CACNA1E: variants seen among roughly 807,000 people sequenced by gnomAD.
The protein encoded by CACNA1E is voltage-dependent R-type calcium channel subunit alpha-1E.
CACNA1E carries 40 observed loss-of-function variants against 259.2 expected under a neutral mutation model. That is an observed-to-expected ratio of 0.15 (90% CI 0.12 to 0.20). The LOEUF is 0.20. Ranked by LOEUF, CACNA1E falls within the 10% of genes least tolerant of loss-of-function variation. CACNA1E has a pLI of 1.00. For synonymous variants in CACNA1E, 1,104 were observed against 1,138.5 expected, an observed-to-expected ratio of 0.97 and a Z score of 0.61; for missense variants, 1,874 against 3,040.1, an observed-to-expected ratio of 0.62 and a Z score of 9.02.
intron 7 of CACNA1E, among the ~76,000 whole-genome samples, chr1:181,666,817 C>T (rs532384876): frequency 3.8e-4 from 57 of 151,908 alleles, no homozygotes; most frequent in African/African-American, 1.2e-3. Flanking sequence ...TCATTGAAAA[C>T]AAATCATTCA....
intron 1 of CACNA1E, among the ~76,000 whole-genome samples, chr1:181,491,194 G>A (rs1664285391): frequency 6.6e-6 from 1 of 152,166 alleles, no homozygotes; most frequent in African/African-American, 2.4e-5. Flanking sequence ...TTCTATCAGC[G>A]ACCATTCCTT....
chr1:181,325,438 G>A (rs1650699714), intron 1 of CACNA1E, among the ~76,000 whole-genome samples: 1 of 152,190 alleles, frequency 6.6e-6, no homozygotes, highest in Admixed American at 6.5e-5. Context: ...CCAAGGTGTG[G>A]TTCCCGGACC....
chr1:181,799,504 G>A lies in CACNA1E; in HGVS notation c.*670G>A, dbSNP rs1417183276. On this transcript the variant is annotated 3_prime_UTR_variant, in exon 48 of 48. Transcript: ENST00000367573. ...ATAGCCCGGCAGCCCCTACCATGAG[G>A]GAGACAGAGAAACAGAACTGGTGGT... 6.5e-6 allele frequency: 1 copy of A among 152,858 alleles called. No homozygotes were observed. The highest frequency in any genetic ancestry group is 2.4e-5 in the African/African-American group (1 of 41,472). The allele number at this position is 152,858 out of a possible 1,614,324, so 9.5% of individuals were successfully genotyped here.
At chr1:181,740,298 T>C (rs1455700516) in intron 25 of CACNA1E, among the ~76,000 whole-genome samples, 1 of 152,200 alleles carries the variant, frequency 6.6e-6, no homozygotes, top group Non-Finnish European at 1.5e-5. Context: ...ACGTTTACCC[T>C]TCTGAGTGGT....
At position 181,776,362 on chromosome 1, in the gene CACNA1E, C is replaced by T. The variant is rs1465792530; in HGVS notation, c.5267+134C>T. On this transcript the variant is annotated intron_variant, in intron 38 of 47. Transcript: ENST00000367573. This position sits in a 1 kb window ranked among gnomAD's most constrained non-coding sequence, Gnocchi z 4.4. Reference sequence around the variant, plus strand: ...GAAAGGAGATTCCTCTTGATTGTGGCCCATAGAAGAGGCTCTGGTATCAAG... The same window carrying T: ...GAAAGGAGATTCCTCTTGATTGTGGTCCATAGAAGAGGCTCTGGTATCAAG... The T allele has an allele frequency of 1.1e-6, 1 of 887,622 alleles. No individual in the cohort carries two copies. The highest frequency in any genetic ancestry group is 1.8e-6 in the Non-Finnish European group (1 of 557,342). The allele number at this position is 887,622 out of a possible 1,614,324, so 55.0% of individuals were successfully genotyped here.
At chr1:181,318,321 C>T (rs1392198812) in intron 1 of CACNA1E, among the ~76,000 whole-genome samples, 1 of 152,160 alleles carries the variant, frequency 6.6e-6, no homozygotes, top group East Asian at 1.9e-4. Context: ...GCTGCCTGTT[C>T]CTCCTCTGCA....
intron 2 of CACNA1E, among the ~76,000 whole-genome samples, chr1:181,462,782 C>A (rs1214244389): frequency 6.6e-6 from 1 of 152,148 alleles, no homozygotes; most frequent in African/African-American, 2.4e-5. Flanking sequence ...CCTTTTGCAG[C>A]AAAATGAACA....
chr1:181,576,333 T>TG (rs1205950734), intron 3 of CACNA1E, among the ~76,000 whole-genome samples: 1 of 152,192 alleles, frequency 6.6e-6, no homozygotes. Flanking sequence ...CCCGGATACT[T>TG]GGAGTTTTGG....
At chr1:181,645,576 G>A (rs1040387286) in intron 6 of CACNA1E, among the ~76,000 whole-genome samples, 1 of 152,160 alleles carries the variant, frequency 6.6e-6, no homozygotes. Context: ...AGACTCCCGT[G>A]TTATTGTTTT....
intron 3 of CACNA1E, among the ~76,000 whole-genome samples, chr1:181,542,289 G>A (rs903611884): frequency 6.6e-6 from 1 of 152,178 alleles, no homozygotes; most frequent in Admixed American, 6.5e-5. Context: ...TTTAAGCCAC[G>A]AAGCTTGCTT....
chr1:181,798,916 G>C lies in CACNA1E; in HGVS notation c.*82G>C, dbSNP rs1480682671. ...AATTGGGAAGCCAGTGCGGCCCGGG[G>C]GGGAGGAAGAGGGAAAAGGAAGATG... On this transcript the variant is annotated 3_prime_UTR_variant, in exon 48 of 48. Transcript: ENST00000367573. This position sits in a 1 kb window ranked among gnomAD's most constrained non-coding sequence, Gnocchi z 4.2. 5 of 1,299,642 alleles carry C rather than the reference G, an allele frequency of 3.8e-6. No homozygotes were observed. In the Admixed American group the frequency reaches 1.2e-4, roughly 30 times the overall value. The allele number at this position is 1,299,642 out of a possible 1,614,324, so 80.5% of individuals were successfully genotyped here.
At chr1:181,791,438 A>T (rs1558397286) in intron 44 of CACNA1E, among the ~76,000 whole-genome samples, 1 of 152,288 alleles carries the variant, frequency 6.6e-6, no homozygotes, top group East Asian at 1.9e-4. Context: ...GCGCTGCTGC[A>T]CTCCAGCCTG....
chr1:181,785,477 AG>A, intron 42 of CACNA1E, 59 bp downstream of exon 42: 1 of 1,195,052 alleles, frequency 8.4e-7, no homozygotes, highest in Non-Finnish European at 1.2e-6. Context: ...AGGAGGGAAT[AG>A]GCCTGTGCCT....
intron 7 of CACNA1E, among the ~76,000 whole-genome samples, chr1:181,706,143 A>G (rs965036628): frequency 2.0e-5 from 3 of 152,150 alleles, no homozygotes; most frequent in Non-Finnish European, 2.9e-5. Flanking sequence ...TCTATAGGCC[A>G]GATTCCCCCT....
chr1:181,467,876 G>A (rs1389528606), intron 2 of CACNA1E, among the ~76,000 whole-genome samples: 3 of 152,204 alleles, frequency 2.0e-5, no homozygotes, highest in Non-Finnish European at 2.9e-5. Flanking sequence ...AAACATTTTT[G>A]ATTGTCACAG....
At position 181,559,910 on chromosome 1, in the gene CACNA1E, G is replaced by A. The variant is rs373640953; in HGVS notation, c.513-17856G>A. ...CTGAAGGCGTGGGATGCAGAGCATC[G>A]ACATTCTTCTGCAATGTGAGAAAAA... is the stretch of plus-strand genomic sequence containing the variant. On this transcript the variant is annotated intron_variant, in intron 3 of 47. Coordinates refer to ENST00000367573, the MANE Select transcript of CACNA1E (RefSeq NM_001205293.3). 1.3e-4 allele frequency among the ~76,000 whole-genome samples: 20 copies of A among 152,298 alleles called. 2 individuals carry two copies. In the South Asian group the frequency reaches 3.1e-3, roughly 24 times the overall value.
At chr1:181,689,930 G>T (rs573185230) in intron 7 of CACNA1E, among the ~76,000 whole-genome samples, 1 of 152,238 alleles carries the variant, frequency 6.6e-6, no homozygotes, top group East Asian at 1.9e-4. Flanking sequence ...TAAGTTGCCT[G>T]TTCACTCTGA....
rs985172471 is a variant in CACNA1E, at chr1:181,807,584, T to C, written c.*8750T>C. The C allele has an allele frequency of 1.3e-5, 2 of 151,854 alleles. No homozygotes were observed. Among genetic ancestry groups the C allele is most frequent in the African/African-American group, 4.8e-5 (2 of 41,336 alleles). The allele number at this position is 151,854 out of a possible 1,614,324, so 9.4% of individuals were successfully genotyped here. ...TTGAGGAGATATCTTCACCTAATCC[T>C]AGTGTTAATTATTTTAATCTGAGCA... On this transcript the variant is annotated 3_prime_UTR_variant, in exon 48 of 48. Coordinates refer to ENST00000367573, the MANE Select transcript of CACNA1E (RefSeq NM_001205293.3).
chr1:181,733,346 C>T, intron 20 of CACNA1E, 91 bp from the exon 21 acceptor site: 1 of 1,191,342 alleles, frequency 8.4e-7, no homozygotes, highest in South Asian at 1.6e-5. Flanking sequence ...TCCAGGCTGC[C>T]TGAGCTTCCC....
Sources: allele counts gnomAD v4.1 joint callset (sites outside exome capture counted in the v4.1 genomes callset), GRCh38; gene constraint gnomAD v4.1.1; non-coding constraint Gnocchi (gnomAD v3.1); transcripts MANE v1.5; gene names NCBI Gene and HGNC (gene_info 2026-07-23, HGNC 2026-07-21).